The following SLC8A1 variants were observed in gnomAD, a reference collection of about 807,000 sequenced individuals.
SLC8A1 encodes solute carrier family 8 member A1, also known as sodium/calcium exchanger 1.
In SLC8A1, 18 loss-of-function variants were observed where a neutral mutation model predicts 68.3. That is an observed-to-expected ratio of 0.26 (90% confidence interval 0.18 to 0.39). The LOEUF (loss-of-function observed/expected upper bound fraction) is 0.39, where lower values mean the gene tolerates loss of function less well. Among genes scored for constraint, SLC8A1 ranks in the 10% least tolerant of loss-of-function variants. The probability of loss-of-function intolerance (pLI) is 1.00; values close to 1 mark genes in which losing one functional copy is unlikely to be tolerated. For missense variants in SLC8A1, 985 were observed against 1,156.7 expected (o/e 0.85, Z 2.15); for synonymous variants, 475 against 415.5 (o/e 1.14, Z -1.74).
chr2:40,309,751 G>A (rs983037143), intron 2 of SLC8A1, among the ~76,000 whole-genome samples: 28 of 152,108 alleles, frequency 1.8e-4, no homozygotes, highest in Non-Finnish European at 3.8e-4. Context: ...TGATCCGCCC[G>A]CCTTGGCCTC....
At chr2:40,220,228 G>A (rs572665364) in intron 2 of SLC8A1, 14 of 151,874 alleles carry the variant, frequency 9.2e-5, no homozygotes, top group African/African-American at 2.2e-4. Context: ...AGAAGCAGGA[G>A]GAAAACAGTG....
chr2:40,249,901 T>A (rs77550071), intron 2 of SLC8A1, among the ~76,000 whole-genome samples: 3,246 of 152,294 alleles, frequency 0.021, 58 homozygotes, highest in Non-Finnish European at 0.03. Context: ...GAAAAAAATA[T>A]ATTTTGATAA....
intron 1 of SLC8A1, among the ~76,000 whole-genome samples, chr2:40,504,629 C>G (rs1706253638): frequency 6.6e-6 from 1 of 151,852 alleles, no homozygotes; most frequent in Admixed American, 6.6e-5. Flanking sequence ...TTCTAATAAT[C>G]AGATTTTTAA....
intron 2 of SLC8A1, among the ~76,000 whole-genome samples, chr2:40,393,966 T>G (rs144770351): frequency 6.6e-6 from 1 of 152,078 alleles, no homozygotes; most frequent in Non-Finnish European, 1.5e-5. Context: ...AACCAGTAGC[T>G]CTAAACCAGT....
rs759326813 is a variant in SLC8A1 at position 40,299,662 on chromosome 2, C to A, written c.1809-121807G>T. ...TGGGTTCTTTGCCTAAATCCTCCCC[C>A]ACCTTCAATGCCATTGCTCTATGCT... On this transcript the variant is annotated intron_variant, in intron 2 of 7. Transcript: ENST00000406785. 1.2e-4 allele frequency among the ~76,000 whole-genome samples: 19 copies of A among 152,278 alleles called. No homozygotes were observed. In the Middle Eastern group the frequency reaches 0.01, roughly 82 times the overall value.
At chr2:40,496,572 C>A (rs757187722) in intron 1 of SLC8A1, among the ~76,000 whole-genome samples, 2 of 152,012 alleles carry the variant, frequency 1.3e-5, no homozygotes, top group Admixed American at 1.3e-4. Flanking sequence ...GAAATCATTA[C>A]AAGCAGGGTA....
intron 2 of SLC8A1, among the ~76,000 whole-genome samples, chr2:40,355,458 G>A (rs146222985): frequency 6.6e-6 from 1 of 152,184 alleles, no homozygotes; most frequent in Non-Finnish European, 1.5e-5. Context: ...CATTTCAAGG[G>A]CACTGTTGGA....
intron 1 of SLC8A1, among the ~76,000 whole-genome samples, chr2:40,446,150 T>A (rs149445003): frequency 0.013 from 1,956 of 152,262 alleles, 27 homozygotes; most frequent in Middle Eastern, 0.034. Flanking sequence ...CCTACCCTAG[T>A]AGAGGAAACA....
rs554250082 is a variant in SLC8A1 at position 40,364,516 on chromosome 2, T to G, written c.1808+63957A>C. On this transcript the variant is annotated intron_variant, in intron 2 of 7. Coordinates refer to ENST00000406785, the Ensembl canonical transcript of SLC8A1. ...ATCTAATAAAATTGAATCCTTTTTT[T>G]TTGTTGTTGTTCTCTCCCCAGGCAA... 1.1e-3 allele frequency among the ~76,000 whole-genome samples: 165 copies of G among 151,650 alleles called. 1 individual carries two copies. Among genetic ancestry groups the G allele is most frequent in the South Asian group, 5.4e-3 (26 of 4,806 alleles).
intron 2 of SLC8A1, among the ~76,000 whole-genome samples, chr2:40,248,727 T>A (rs1189357261): frequency 1.3e-5 from 2 of 152,168 alleles, no homozygotes; most frequent in East Asian, 3.9e-4. Context: ...TGGGCATAAA[T>A]AGACTGTCAT....
chr2:40,177,828 G>A (rs2048747332), exon 3 of SLC8A1: 1 of 1,550,904 alleles, frequency 6.4e-7, no homozygotes, highest in East Asian at 2.4e-5. Flanking sequence ...ATTCCTCACG[G>A]TCAAATATTC....
chr2:40,166,514 G>C (rs139469922), intron 4 of SLC8A1, among the ~76,000 whole-genome samples: 18 of 152,186 alleles, frequency 1.2e-4, no homozygotes, highest in African/African-American at 4.3e-4. Flanking sequence ...AGAAGCTGCT[G>C]AATGTTAGCA....
At chr2:40,346,047 T>TAAAAAA (rs774555210) in intron 2 of SLC8A1, among the ~76,000 whole-genome samples, 242 of 41,612 alleles carry the variant, frequency 5.8e-3, no homozygotes, top group Middle Eastern at 0.03. Flanking sequence ...ACATTAACAG[T>TAAAAAA]AAAAAAAAAA....
At chr2:40,107,920 G>T (rs2034316118) in exon 8 of SLC8A1, 1 of 152,144 alleles carries the variant, frequency 6.6e-6, no homozygotes, top group African/African-American at 2.4e-5. Context: ...GAAACTTTTA[G>T]TCAAAAGAAA....
chr2:40,504,389 T>C (rs1320050160), intron 1 of SLC8A1, among the ~76,000 whole-genome samples: 1 of 152,044 alleles, frequency 6.6e-6, no homozygotes, highest in African/African-American at 2.4e-5. Context: ...CTCCAGCACA[T>C]TGGTCTGGGC....
chr2:40,154,006 T>G (rs950227647), intron 6 of SLC8A1, among the ~76,000 whole-genome samples: 1 of 152,192 alleles, frequency 6.6e-6, no homozygotes, highest in African/African-American at 2.4e-5. Context: ...AAACCTAAAC[T>G]AAAGTTGTAG....
intron 2 of SLC8A1, among the ~76,000 whole-genome samples, chr2:40,220,732 C>T (rs908180877): frequency 6.6e-6 from 1 of 152,098 alleles, no homozygotes; most frequent in Non-Finnish European, 1.5e-5. Flanking sequence ...CTCGCTCTTT[C>T]TAGTTCTTTT....
intron 1 of SLC8A1, among the ~76,000 whole-genome samples, chr2:40,493,637 ATCTT>A (rs1559769396): frequency 6.8e-6 from 1 of 146,032 alleles, no homozygotes; most frequent in African/African-American, 2.5e-5. Context: ...CAATCCGGAA[ATCTT>A]TCCTCAGTAT....
At chr2:40,150,220 G>A (rs1425002807) in intron 6 of SLC8A1, among the ~76,000 whole-genome samples, 2 of 152,160 alleles carry the variant, frequency 1.3e-5, no homozygotes, top group African/African-American at 4.8e-5. Flanking sequence ...GGATGTATGT[G>A]CCAAGGTTGG....
Sources: allele counts gnomAD v4.1 joint callset (sites outside exome capture counted in the v4.1 genomes callset), GRCh38; gene constraint gnomAD v4.1.1; transcripts MANE v1.5; gene names NCBI Gene and HGNC (gene_info 2026-07-23, HGNC 2026-07-21).